DCAF8L2: variants seen among roughly 807,000 people sequenced by gnomAD.
DCAF8L2 encodes the protein DDB1- and CUL4-associated factor 8-like protein 2.
For missense variants in DCAF8L2, 430 were observed against 490.7 expected (o/e 0.88, Z 1.17); for synonymous variants, 200 against 190.9 (o/e 1.05, Z -0.39).
chrX:27,478,889 T>TAAGAGCCTTCTATAATGGCTCCCA, the DCAF8L2 span, among the ~76,000 whole-genome samples: 1 of 112,114 alleles, frequency 8.9e-6, no homozygotes, highest in African/African-American at 3.2e-5. Context: ...ATCACTGTGA[T>TAAGAGCCTTCTATAATGGCTCCCA]AAGAGCCTTC....
At chrX:27,579,212 G>A in the DCAF8L2 span, among the ~76,000 whole-genome samples, 9 of 111,740 alleles carry the variant, frequency 8.1e-5, no homozygotes, top group Non-Finnish European at 7.5e-5. Context: ...ATACACCATG[G>A]AATACTATGC....
the DCAF8L2 span, chrX:27,519,770 T>G: frequency 3.7e-6 from 2 of 535,618 alleles, no homozygotes; most frequent in Non-Finnish European, 6.8e-6. Context: ...GAAACCAATT[T>G]GAGGCTTTTA....
the DCAF8L2 span, among the ~76,000 whole-genome samples, chrX:27,497,631 C>T: frequency 4.6e-5 from 5 of 107,600 alleles, no homozygotes; most frequent in East Asian, 2.9e-4. Flanking sequence ...TGCAGTGGGG[C>T]GATCTCCGCT....
At chrX:27,512,286 T>A in the DCAF8L2 span, among the ~76,000 whole-genome samples, 1 of 110,023 alleles carries the variant, frequency 9.1e-6, no homozygotes, top group South Asian at 3.9e-4. Flanking sequence ...ATAAAGGAAA[T>A]GATGAGAACA....
intron 4 of DCAF8L2, among the ~76,000 whole-genome samples, chrX:27,739,614 T>C (rs947835442): frequency 1.8e-5 from 2 of 111,992 alleles, no homozygotes; most frequent in Admixed American, 1.9e-4. Flanking sequence ...ATATTTATAA[T>C]CTTTCCTGTA....
At chrX:27,537,045 C>T in the DCAF8L2 span, among the ~76,000 whole-genome samples, 2 of 111,774 alleles carry the variant, frequency 1.8e-5, no homozygotes, top group African/African-American at 6.5e-5. Context: ...TTTTTATTGG[C>T]AGGTAGAGGT....
At chrX:27,559,933 A>G in the DCAF8L2 span, among the ~76,000 whole-genome samples, 1 of 102,647 alleles carries the variant, frequency 9.7e-6, no homozygotes, top group East Asian at 3.1e-4. Flanking sequence ...ATGAGTGTGT[A>G]TATACTTTAA....
At chrX:27,523,171 T>C in the DCAF8L2 span, among the ~76,000 whole-genome samples, 16 of 111,539 alleles carry the variant, frequency 1.4e-4, no homozygotes, top group African/African-American at 4.9e-4. Flanking sequence ...ATACAAAGTA[T>C]ACGGATAAGG....
the DCAF8L2 span, among the ~76,000 whole-genome samples, chrX:27,541,147 C>A: frequency 1.8e-5 from 2 of 110,856 alleles, no homozygotes; most frequent in South Asian, 3.8e-4. Context: ...ATACATGGGA[C>A]CTTTCAGAAT....
At chrX:27,569,076 C>T in the DCAF8L2 span, among the ~76,000 whole-genome samples, 6 of 109,482 alleles carry the variant, frequency 5.5e-5, no homozygotes, top group African/African-American at 2.0e-4. Flanking sequence ...TATTAAATGC[C>T]CATTATGAAC....
At chrX:27,585,619 T>A (rs1019898452), upstream of DCAF8L2, among the ~76,000 whole-genome samples, 1 of 112,170 alleles carries the variant, frequency 8.9e-6, no homozygotes, top group Non-Finnish European at 1.9e-5. Context: ...ATATTTCTGT[T>A]TAAGTATCAC....
At chrX:27,523,287 G>C in the DCAF8L2 span, among the ~76,000 whole-genome samples, 3 of 111,198 alleles carry the variant, frequency 2.7e-5, no homozygotes, top group African/African-American at 9.8e-5. Flanking sequence ...CTTAATAAAT[G>C]TTGCTGGACT....
intron 4 of DCAF8L2, among the ~76,000 whole-genome samples, chrX:27,738,023 A>T (rs2147330456): frequency 9.0e-6 from 1 of 111,702 alleles, no homozygotes; most frequent in East Asian, 2.8e-4. Flanking sequence ...TTAAATCCTT[A>T]AACCCACCAA....
At chrX:27,525,778 A>T in the DCAF8L2 span, among the ~76,000 whole-genome samples, 89 of 111,114 alleles carry the variant, frequency 8.0e-4, no homozygotes, top group African/African-American at 2.7e-3. Context: ...TTTCTCCTTC[A>T]CTTATGAAGC....
chrX:27,533,164 G>GAGAGAAAGAA, the DCAF8L2 span, among the ~76,000 whole-genome samples: 3 of 17,345 alleles, frequency 1.7e-4, no homozygotes, highest in Admixed American at 9.4e-4. Context: ...GAGAGAGAGA[G>GAGAGAAAGAA]AGAAAGAAAG....
At chrX:27,477,283 C>CTTGTTT in the DCAF8L2 span, among the ~76,000 whole-genome samples, 6 of 111,782 alleles carry the variant, frequency 5.4e-5, no homozygotes, top group African/African-American at 1.3e-4. Flanking sequence ...GTGTGTTTCT[C>CTTGTTT]TTGTTTTTGT....
At chrX:27,492,707 C>T in the DCAF8L2 span, among the ~76,000 whole-genome samples, 1 of 111,151 alleles carries the variant, frequency 9.0e-6, no homozygotes, top group African/African-American at 3.3e-5. Context: ...TCTCGAACTT[C>T]GGACCTCAGG....
At chrX:27,700,605 T>C (rs1441275652) in intron 3 of DCAF8L2, among the ~76,000 whole-genome samples, 1 of 111,492 alleles carries the variant, frequency 9.0e-6, no homozygotes, top group Non-Finnish European at 1.9e-5. Context: ...ATTTCTTGCA[T>C]AGCGATCACT....
At chrX:27,483,784 C>T in the DCAF8L2 span, among the ~76,000 whole-genome samples, 2 of 110,918 alleles carry the variant, frequency 1.8e-5, no homozygotes, top group Admixed American at 9.7e-5. Context: ...GATGTCATCT[C>T]ACCTCCACGA....
Sources: allele counts gnomAD v4.1 joint callset (sites outside exome capture counted in the v4.1 genomes callset), GRCh38; gene constraint gnomAD v4.1.1; transcripts MANE v1.5; gene names NCBI Gene and HGNC (gene_info 2026-07-23, HGNC 2026-07-21).